The following UBE2E2 variants were observed in gnomAD, a reference collection of about 807,000 sequenced individuals.
UBE2E2 encodes ubiquitin conjugating enzyme E2 E2, also known as ubiquitin-conjugating enzyme E2 E2.
A neutral mutation model predicts 24.7 loss-of-function variants in UBE2E2; 6 were observed. The observed-to-expected ratio is 0.24, with a 90% CI of 0.13 to 0.48. The LOEUF (loss-of-function observed/expected upper bound fraction) is 0.48, where lower values mean the gene tolerates loss of function less well. Ranked by LOEUF, UBE2E2 falls within the 20% of genes least tolerant of loss-of-function variation. The probability of loss-of-function intolerance (pLI) is 0.99; values close to 1 mark genes in which losing one functional copy is unlikely to be tolerated. For synonymous variants in UBE2E2, 104 were observed against 83.6 expected (o/e 1.24, Z -1.33); for missense variants, 169 against 245.0 (o/e 0.69, Z 2.07).
intron 3 of UBE2E2, among the ~76,000 whole-genome samples, chr3:23,468,059 G>A (rs1698960535): frequency 6.6e-6 from 1 of 152,170 alleles, no homozygotes; most frequent in African/African-American, 2.4e-5. Flanking sequence ...TTTGGGTGGG[G>A]ACACAACCAA....
intron 5 of UBE2E2, among the ~76,000 whole-genome samples, chr3:23,558,853 A>G (rs1351816517): frequency 1.3e-5 from 2 of 152,140 alleles, no homozygotes; most frequent in East Asian, 1.9e-4. Context: ...TGAGCCCAGG[A>G]GCTCAAAGAC....
At chr3:23,409,510 T>C (rs1697449612) in intron 3 of UBE2E2, among the ~76,000 whole-genome samples, 1 of 152,180 alleles carries the variant, frequency 6.6e-6, no homozygotes, top group Admixed American at 6.5e-5. Context: ...GTGAAATGTA[T>C]ACCCCATATA....
At chr3:23,417,832 C>T (rs1319375616) in intron 3 of UBE2E2, among the ~76,000 whole-genome samples, 1 of 152,198 alleles carries the variant, frequency 6.6e-6, no homozygotes, top group Admixed American at 6.5e-5. Flanking sequence ...CCAGTTTGAA[C>T]TTCTGGCGAT....
At chr3:23,410,434 A>G (rs1697469314) in intron 3 of UBE2E2, among the ~76,000 whole-genome samples, 1 of 152,182 alleles carries the variant, frequency 6.6e-6, no homozygotes, top group Admixed American at 6.5e-5. Context: ...GAGTAAAGAT[A>G]GAGTGAGAGA....
chr3:23,539,559 ACT>A (rs1451295669), intron 5 of UBE2E2, among the ~76,000 whole-genome samples: 1 of 152,152 alleles, frequency 6.6e-6, no homozygotes, highest in Non-Finnish European at 1.5e-5. Flanking sequence ...TCTTTTCCTT[ACT>A]TCTGTTTCCT....
intron 3 of UBE2E2, among the ~76,000 whole-genome samples, chr3:23,331,923 A>G (rs1345003330): frequency 6.6e-6 from 1 of 152,222 alleles, no homozygotes; most frequent in African/African-American, 2.4e-5. Context: ...AAAGACAAGA[A>G]TTTAATGCAA....
chr3:23,508,495 C>T (rs1694507222), intron 4 of UBE2E2, among the ~76,000 whole-genome samples: 1 of 152,088 alleles, frequency 6.6e-6, no homozygotes, highest in Non-Finnish European at 1.5e-5. Context: ...TAAAGAAGGA[C>T]CTTTAGTTTA....
At chr3:23,302,222 A>G (rs748517246) in intron 3 of UBE2E2, among the ~76,000 whole-genome samples, 1 of 152,136 alleles carries the variant, frequency 6.6e-6, no homozygotes, top group Non-Finnish European at 1.5e-5. Context: ...TCTATTTTCA[A>G]AAGCCCCAGT....
chr3:23,438,970 G>C (rs770978179), intron 3 of UBE2E2, among the ~76,000 whole-genome samples: 6 of 152,118 alleles, frequency 3.9e-5, no homozygotes, highest in Non-Finnish European at 7.3e-5. Flanking sequence ...CTACATAATG[G>C]TTAACTATTG....
chr3:23,576,727 C>T (rs894380481), intron 5 of UBE2E2, among the ~76,000 whole-genome samples: 8 of 152,106 alleles, frequency 5.3e-5, no homozygotes, highest in Non-Finnish European at 1.2e-4. Flanking sequence ...ACAGACAGTC[C>T]TGTGAGGGGA....
intron 4 of UBE2E2, among the ~76,000 whole-genome samples, chr3:23,529,154 G>A (rs1213137747): frequency 6.6e-6 from 1 of 152,202 alleles, no homozygotes; most frequent in African/African-American, 2.4e-5. Flanking sequence ...AAGGGAGAAG[G>A]CAACTATGGC....
At chr3:23,318,889 TAAC>T (rs1694662219) in intron 3 of UBE2E2, among the ~76,000 whole-genome samples, 1 of 152,210 alleles carries the variant, frequency 6.6e-6, no homozygotes, top group African/African-American at 2.4e-5. Context: ...TCTGTGTAAA[TAAC>T]AATCTGCCTA....
At chr3:23,327,281 G>T (rs9865602) in intron 3 of UBE2E2, among the ~76,000 whole-genome samples, 61,819 of 151,984 alleles carry the variant, frequency 0.41, 13,267 homozygotes, top group Admixed American at 0.53. Flanking sequence ...CTAGTTTACA[G>T]TCCCACCAAC....
chr3:23,263,912 TAAC>T (rs963842270), intron 3 of UBE2E2, among the ~76,000 whole-genome samples: 2 of 152,316 alleles, frequency 1.3e-5, no homozygotes, highest in Non-Finnish European at 2.9e-5. Flanking sequence ...CTATTTTTCT[TAAC>T]AAGTTCTAGA....
intron 2 of UBE2E2, among the ~76,000 whole-genome samples, chr3:23,210,966 C>T (rs1365419922): frequency 6.6e-6 from 1 of 152,160 alleles, no homozygotes; most frequent in Non-Finnish European, 1.5e-5. Flanking sequence ...TTTCCCCTCT[C>T]TCTTCCTCCA....
intron 3 of UBE2E2, among the ~76,000 whole-genome samples, chr3:23,331,426 A>G (rs1695054785): frequency 6.6e-6 from 1 of 152,166 alleles, no homozygotes; most frequent in South Asian, 2.1e-4. Flanking sequence ...ACTATATCAT[A>G]TGTCAAAATG....
At chr3:23,541,209 C>G (rs1287307546) in intron 5 of UBE2E2, among the ~76,000 whole-genome samples, 1 of 152,338 alleles carries the variant, frequency 6.6e-6, no homozygotes, top group African/African-American at 2.4e-5. Flanking sequence ...CTACCAATGT[C>G]TGAGTCAGAT....
intron 3 of UBE2E2, among the ~76,000 whole-genome samples, chr3:23,361,319 A>T (rs1214826767): frequency 6.6e-6 from 1 of 152,210 alleles, no homozygotes; most frequent in African/African-American, 2.4e-5. Context: ...CAGCAGTTCC[A>T]TTACTGGGTA....
intron 1 of UBE2E2, among the ~76,000 whole-genome samples, 172 bp from the exon 2 acceptor site, chr3:23,208,520 T>G (rs551002474): frequency 6.6e-6 from 1 of 152,320 alleles, no homozygotes; most frequent in South Asian, 2.1e-4. Flanking sequence ...ACATTTTGAA[T>G]GGATGAAGGA....
Sources: gnomAD v4.1 joint callset for allele counts (sites outside exome capture counted in the v4.1 genomes callset) on GRCh38, gnomAD v4.1.1 for gene constraint, MANE v1.5 for transcripts, NCBI Gene and HGNC (gene_info 2026-07-23, HGNC 2026-07-21) for gene names.